Variants in ZFP62 observed in about 807,000 individuals in gnomAD.
The protein encoded by ZFP62 is zinc finger protein 62 homolog.
A neutral mutation model predicts 56.4 loss-of-function variants in ZFP62; 44 were observed. That is an observed-to-expected ratio of 0.78 (90% CI 0.61 to 1.00). The LOEUF (loss-of-function observed/expected upper bound fraction) is 1.00, where lower values mean the gene tolerates loss of function less well. Ranked by LOEUF, ZFP62 falls within the 50% of genes least tolerant of loss-of-function variation. The pLI is 0.00. For synonymous variants in ZFP62, 421 were observed against 388.9 expected, an observed-to-expected ratio of 1.08 and a Z score of -0.97; for missense variants, 1,030 against 1,085.7, an observed-to-expected ratio of 0.95 and a Z score of 0.72.
intron 1 of ZFP62, 62 bp downstream of exon 1, chr5:180,861,157 A>G (rs1316457969): frequency 2.5e-5 from 10 of 398,384 alleles, no homozygotes; most frequent in Non-Finnish European, 4.4e-5. Flanking sequence ...CCGGCCAAAA[A>G]GGGGAGGGCG....
chr5:180,850,013 A>AT lies in ZFP62; in HGVS notation c.1481dup (p.Asn494LysfsTer13). On this transcript the variant is annotated frameshift_variant, in exon 2 of 2. Coordinates refer to ENST00000502412, the MANE Select transcript of ZFP62 (RefSeq NM_001172638.2). LOFTEE classifies it high-confidence loss of function. ...TCTCCCCAAGGTGGATTCCTTTGTGATTTTTAAGGCTAGAGCGTGAGATAT... is the reference window on the plus strand; with the variant it reads ...TCTCCCCAAGGTGGATTCCTTTGTGATTTTTTAAGGCTAGAGCGTGAGATAT... 6.4e-7 allele frequency: 1 copy of AT among 1,551,346 alleles called. No individual in the cohort carries two copies. The highest frequency in any genetic ancestry group is 8.7e-7 in the Non-Finnish European group (1 of 1,146,886).
intron 1 of ZFP62, among the ~76,000 whole-genome samples, chr5:180,860,315 C>T (rs1236797069): frequency 6.6e-6 from 1 of 152,110 alleles, no homozygotes; most frequent in Non-Finnish European, 1.5e-5. Flanking sequence ...TTTTTAATAT[C>T]CCAGCCATAT....
downstream of ZFP62, among the ~76,000 whole-genome samples, chr5:180,847,084 TG>T (rs912302354): frequency 2.6e-5 from 4 of 152,220 alleles, no homozygotes; most frequent in South Asian, 2.1e-4. Flanking sequence ...GGAAACTATC[TG>T]GCTACAGAGA....
the ZFP62 span, among the ~76,000 whole-genome samples, chr5:180,833,064 T>G: frequency 6.6e-6 from 1 of 152,188 alleles, no homozygotes; most frequent in South Asian, 2.1e-4. Context: ...GTCAGCAGTC[T>G]CCTGGTTCAT....
the ZFP62 span, chr5:180,831,307 C>G: frequency 1.3e-5 from 2 of 152,434 alleles, no homozygotes; most frequent in Non-Finnish European, 2.9e-5. Context: ...ACGTCCCGCC[C>G]TCTCCTCCGC....
downstream of ZFP62, among the ~76,000 whole-genome samples, chr5:180,846,576 T>C (rs1773417851): frequency 6.6e-6 from 1 of 151,652 alleles, no homozygotes; most frequent in Non-Finnish European, 1.5e-5. Flanking sequence ...CCTGGGCACT[T>C]CCGTAGCTGC....
At chr5:180,846,900 T>C (rs949946048), downstream of ZFP62, among the ~76,000 whole-genome samples, 5 of 152,214 alleles carry the variant, frequency 3.3e-5, no homozygotes, top group African/African-American at 9.7e-5. Context: ...GCCAGTGTCA[T>C]GTGCAAAGGA....
chr5:180,846,252 G>C (rs368731434), downstream of ZFP62, among the ~76,000 whole-genome samples: 1 of 152,178 alleles, frequency 6.6e-6, no homozygotes, highest in African/African-American at 2.4e-5. Context: ...CGCAGTAGGA[G>C]CTTGTCTGGT....
In ZFP62 at chr5:180,849,390, G is replaced by A; in HGVS notation, c.2105C>T (p.Thr702Ile). Residue 702 changes from threonine (T) to isoleucine (I), a missense_variant, in exon 2 of 2, where the codon ACA becomes ATA. By Grantham distance (89) the Thr-to-Ile change is moderately conservative. Coordinates refer to ENST00000502412, the MANE Select transcript of ZFP62 (RefSeq NM_001172638.2). ...AAAAGCTTTTCCACATTCATCACAT[G>A]TATGGGGTGTCCTGCCAGGGTGGGT... The part of the protein sequence containing the change: ...KSTHPGRTPH[T>I]CDECGKAFFS... The A allele has an allele frequency of 6.4e-7, 1 of 1,550,918 alleles. No individual in the cohort carries two copies. Among genetic ancestry groups the A allele is most frequent in the Non-Finnish European group, 8.7e-7 (1 of 1,146,560 alleles).
Position 180,850,243 on chromosome 5 carries a change from T to G in ZFP62, c.1252A>C (p.Lys418Gln). The change falls in exon 2 of 2, where the codon AAG (lysine) becomes CAG (glutamine). Residue 418 changes from lysine to glutamine, a missense_variant. Lys to Gln is a moderately conservative substitution (Grantham distance 53). Coordinates refer to ENST00000502412, the MANE Select transcript of ZFP62 (RefSeq NM_001172638.2). ...CACTCCTTACATTCATGGGCTTTCT[T>G]CCCAGGGTGAATGCTTTTATGGACT... ...LAVHKSIHPG[K>Q]KAHECKECGK... 2.6e-6 allele frequency: 4 copies of G among 1,554,010 alleles called. No homozygotes were observed. The highest frequency in any genetic ancestry group is 2.6e-6 in the Non-Finnish European group (3 of 1,148,436).
In ZFP62 at chr5:180,850,029, C is replaced by G. The variant is rs879072692; in HGVS notation, c.1466G>C (p.Arg489Pro). The G allele has an allele frequency of 9.7e-6, 15 of 1,551,310 alleles. No individual in the cohort carries two copies. The highest frequency in any genetic ancestry group is 1.2e-5 in the Non-Finnish European group (14 of 1,146,954). Reference sequence around the variant, plus strand: ...TCCTTTGTGATTTTTAAGGCTAGAGCGTGAGATATAGGCTTTCCCACACAC... The same window carrying G: ...TCCTTTGTGATTTTTAAGGCTAGAGGGTGAGATATAGGCTTTCCCACACAC... Reference protein sequence around the residue: ...CDVCGKAYISRSSLKNHKGIH... With the variant: ...CDVCGKAYISPSSLKNHKGIH... The change falls in exon 2 of 2, where the codon CGC becomes CCC. Residue 489 changes from arginine (R) to proline (P), a missense_variant. Transcript: ENST00000502412.
chr5:180,840,867 A>C, the ZFP62 span, among the ~76,000 whole-genome samples: 2 of 151,968 alleles, frequency 1.3e-5, no homozygotes, highest in African/African-American at 4.8e-5. Flanking sequence ...ATAAATAAAA[A>C]TGTTAGCATA....
downstream of ZFP62, among the ~76,000 whole-genome samples, chr5:180,847,064 G>GA (rs780663645): frequency 1.4e-4 from 21 of 152,154 alleles, no homozygotes; most frequent in Non-Finnish European, 2.8e-4. Context: ...TATACTCCTA[G>GA]AAAGAGCATG....
rs1399763938 is a variant in ZFP62, at chr5:180,851,343, T to C, written c.152A>G (p.Asn51Ser). Reference sequence around the variant, plus strand: ...GTTTTCCACAGGCTTTTTCTGTTGATTCTCTACCTTGCTATCCCAAACACA... The same window carrying C: ...GTTTTCCACAGGCTTTTTCTGTTGACTCTCTACCTTGCTATCCCAAACACA... ...DTCVWDSKVE[N>S]QQKKPVENRM... The change falls in exon 2 of 2, where the codon AAT (asparagine) becomes AGT (serine). Residue 51 changes from asparagine (N) to serine (S), a missense_variant. By Grantham distance (46) the Asn-to-Ser change is conservative (BLOSUM62 1). Coordinates refer to ENST00000502412, the MANE Select transcript of ZFP62 (RefSeq NM_001172638.2). 3 of 1,551,572 alleles carry C rather than the reference T, an allele frequency of 1.9e-6. No homozygotes were observed. In the South Asian group the frequency reaches 3.6e-5, roughly 18 times the overall value.
intron 1 of ZFP62, among the ~76,000 whole-genome samples, chr5:180,852,859 G>A (rs1773784464): frequency 6.6e-6 from 1 of 152,194 alleles, no homozygotes; most frequent in Admixed American, 6.5e-5. Context: ...GATTCATAAT[G>A]AGAGAAAGAT....
chr5:180,861,208 G>T lies in ZFP62; in HGVS notation c.1+11C>A, dbSNP rs544018760. 4.8e-5 allele frequency: 19 copies of T among 398,356 alleles called. No individual in the cohort carries two copies. In the South Asian group the frequency reaches 2.2e-3, roughly 45 times the overall value. The allele number at this position is 398,356 out of a possible 1,614,324, so 24.7% of individuals were successfully genotyped here. A position where few individuals can be genotyped will look rare whatever the true frequency, so the allele number is the denominator to read the frequency against. On this transcript the variant is annotated intron_variant, in intron 1 of 1. Coordinates refer to ENST00000502412, the MANE Select transcript of ZFP62 (RefSeq NM_001172638.2). ...GGGGGCGGGAGCGCGGGCGGCCGCGGACTCACGTACTGGCTGTGGCGGCGC... is the reference window on the plus strand; with the variant it reads ...GGGGGCGGGAGCGCGGGCGGCCGCGTACTCACGTACTGGCTGTGGCGGCGC...
intron 1 of ZFP62, among the ~76,000 whole-genome samples, chr5:180,856,753 G>C (rs888931740): frequency 2.0e-5 from 3 of 151,516 alleles, no homozygotes; most frequent in East Asian, 1.9e-4. Flanking sequence ...AGGAGATCGA[G>C]ACCATCCTGG....
At chr5:180,854,513 C>T (rs1040681531) in intron 1 of ZFP62, among the ~76,000 whole-genome samples, 1 of 152,200 alleles carries the variant, frequency 6.6e-6, no homozygotes, top group African/African-American at 2.4e-5. Context: ...AATTCTACGT[C>T]TAGGAGGAAA....
rs1354616774 is a variant in ZFP62, at chr5:180,850,616, G to A, written c.879C>T (p.Ser293=). 29 of 1,568,388 alleles carry A rather than the reference G, an allele frequency of 1.8e-5. No individual in the cohort carries two copies. The highest frequency in any genetic ancestry group is 7.6e-5 in the Admixed American group (4 of 52,414). ...TCCTTTTATGGACCCTAAGGCCAGA[G>A]CTGTTACTGAAGGTTTTCCCACAGA... ...CDICGKTFSN[S]SGLRVHKRIH... Residue 293 remains serine (S), a synonymous_variant, in exon 2 of 2, where the codon AGC becomes AGT. Coordinates refer to ENST00000502412, the MANE Select transcript of ZFP62 (RefSeq NM_001172638.2).
Sources: allele counts gnomAD v4.1 joint callset (sites outside exome capture counted in the v4.1 genomes callset), GRCh38; gene constraint gnomAD v4.1.1; transcripts MANE v1.5; gene names NCBI Gene and HGNC (gene_info 2026-07-23, HGNC 2026-07-21).